Variants in FHOD3 observed in about 807,000 individuals in gnomAD.
The protein encoded by FHOD3 is FH1/FH2 domain-containing protein 3.
In FHOD3, 90 loss-of-function variants were observed where a neutral mutation model predicts 173.0. The ratio of observed to expected loss-of-function variants is 0.52; its 90% CI spans 0.44 to 0.62. FHOD3 has a LOEUF of 0.62. Ranked by LOEUF, FHOD3 falls within the 20% of genes least tolerant of loss-of-function variation. The pLI, the probability that FHOD3 is intolerant of heterozygous loss-of-function variation, is 0.00. For synonymous variants in FHOD3, 828 were observed against 823.0 expected, an observed-to-expected ratio of 1.01 and a Z score of -0.10; for missense variants, 1,945 against 2,034.7, an observed-to-expected ratio of 0.96 and a Z score of 0.85.
chr18:36,679,241 A>G (rs2038074410), intron 14 of FHOD3, among the ~76,000 whole-genome samples: 3 of 152,092 alleles, frequency 2.0e-5, no homozygotes, highest in Admixed American at 1.3e-4. Context: ...TTTGGTCACT[A>G]TATCTATAAT....
chr18:36,346,665 G>A (rs1407060713), intron 1 of FHOD3, among the ~76,000 whole-genome samples: 3 of 151,934 alleles, frequency 2.0e-5, no homozygotes, highest in Non-Finnish European at 4.4e-5. Context: ...CATTGTCCAA[G>A]CCACATTGAA....
At chr18:36,605,919 A>G (rs1490782727) in intron 8 of FHOD3, among the ~76,000 whole-genome samples, 2 of 152,196 alleles carry the variant, frequency 1.3e-5, no homozygotes, top group Non-Finnish European at 2.9e-5. Flanking sequence ...GGACATTTCC[A>G]TGACAAACAA....
At chr18:36,621,499 G>GT (rs1421390174) in intron 9 of FHOD3, among the ~76,000 whole-genome samples, 1 of 152,298 alleles carries the variant, frequency 6.6e-6, no homozygotes, top group African/African-American at 2.4e-5. Context: ...GACGGCCTTA[G>GT]TTTATCTACT....
At chr18:36,762,281 T>C (rs907540305) in intron 27 of FHOD3, among the ~76,000 whole-genome samples, 2 of 152,214 alleles carry the variant, frequency 1.3e-5, no homozygotes, top group Non-Finnish European at 2.9e-5. Context: ...TAGTTTCCTA[T>C]GAACCAAAGA....
At chr18:36,549,178 T>C (rs1387677474) in intron 5 of FHOD3, among the ~76,000 whole-genome samples, 1 of 152,240 alleles carries the variant, frequency 6.6e-6, no homozygotes, top group East Asian at 1.9e-4. Flanking sequence ...TGACTAATGA[T>C]GTTGAACATC....
intron 1 of FHOD3, among the ~76,000 whole-genome samples, chr18:36,328,746 A>G (rs1007341773): frequency 6.6e-6 from 1 of 152,200 alleles, no homozygotes. Flanking sequence ...ATTGCAGTAG[A>G]AAGTGGGAAG....
At chr18:36,353,683 A>T (rs1419159733) in intron 1 of FHOD3, among the ~76,000 whole-genome samples, 8 of 152,154 alleles carry the variant, frequency 5.3e-5, no homozygotes, top group African/African-American at 1.9e-4. Flanking sequence ...TATTAATCTC[A>T]ATCTTCTTTG....
intron 1 of FHOD3, among the ~76,000 whole-genome samples, chr18:36,354,596 G>T (rs537684578): frequency 3.0e-4 from 46 of 152,290 alleles, no homozygotes; most frequent in Middle Eastern, 3.4e-3. Flanking sequence ...GAGGTCAGGA[G>T]TTCGAGACCA....
intron 16 of FHOD3, among the ~76,000 whole-genome samples, chr18:36,690,620 C>T (rs962005292): frequency 1.3e-5 from 2 of 152,210 alleles, no homozygotes; most frequent in Middle Eastern, 3.4e-3. Flanking sequence ...ATGGCCGTCT[C>T]CGCGTACCAG....
chr18:36,497,984 A>G (rs529630379), intron 3 of FHOD3, among the ~76,000 whole-genome samples: 1 of 152,318 alleles, frequency 6.6e-6, no homozygotes, highest in African/African-American at 2.4e-5. Context: ...AGTCTAAAAG[A>G]TTTGATAAAG....
chr18:36,660,213 G>A lies in FHOD3; in HGVS notation c.1835+2025G>A, dbSNP rs143632558. Among the ~76,000 whole-genome samples, 848 of 152,276 alleles carry A rather than the reference G, an allele frequency of 5.6e-3. 8 individuals carry two copies. The highest frequency in any genetic ancestry group is 0.019 in the African/African-American group (806 of 41,566). On this transcript the variant is annotated intron_variant, in intron 14 of 28. Coordinates refer to ENST00000590592, the MANE Select transcript of FHOD3 (RefSeq NM_001281740.3). ...GAACCTGGGAGGTGGAAGTTGCAGT[G>A]AGCCGAGATTGTGCCATTGCACTCC...
intron 10 of FHOD3, among the ~76,000 whole-genome samples, chr18:36,632,996 T>C (rs985911319): frequency 6.6e-6 from 1 of 152,176 alleles, no homozygotes; most frequent in African/African-American, 2.4e-5. Context: ...GTTTTATACA[T>C]TGATGTGGTT....
chr18:36,609,225 A>T (rs2032405480), intron 8 of FHOD3, among the ~76,000 whole-genome samples: 1 of 152,226 alleles, frequency 6.6e-6, no homozygotes, highest in African/African-American at 2.4e-5. Flanking sequence ...TACCTCGCAG[A>T]CTTTCCTGGG....
rs558281171 is a variant in FHOD3, at chr18:36,527,303, C to G, written c.511+14760C>G. Among the ~76,000 whole-genome samples, 16 of 152,282 alleles carry G rather than the reference C, an allele frequency of 1.1e-4. No individual in the cohort carries two copies. The South Asian group carries it at 2.1e-3, about 20-fold the overall frequency. ...AAATTTGATTTTCTGACTAATCATG[C>G]AATGAGAAGAAGCATAATTTCTCTT... On this transcript the variant is annotated intron_variant, in intron 5 of 28. Coordinates refer to ENST00000590592, the MANE Select transcript of FHOD3 (RefSeq NM_001281740.3).
At chr18:36,730,190 A>G (rs372311813) in intron 19 of FHOD3, among the ~76,000 whole-genome samples, 11 of 152,236 alleles carry the variant, frequency 7.2e-5, no homozygotes, top group African/African-American at 1.7e-4. Context: ...TGACAGGCCA[A>G]TGGTGCTGTA....
chr18:36,327,674 C>T (rs2044743238), intron 1 of FHOD3, among the ~76,000 whole-genome samples: 1 of 152,208 alleles, frequency 6.6e-6, no homozygotes, highest in Admixed American at 6.5e-5. Context: ...GCGGTTTGAA[C>T]CTCCTGGAAG....
intron 28 of FHOD3, chr18:36,778,322 C>A (rs1476832781): frequency 6.6e-6 from 1 of 152,176 alleles, no homozygotes. Context: ...CAACAGCCTG[C>A]CCTGGTCATC....
At chr18:36,503,460 A>G (rs977737822) in intron 4 of FHOD3, among the ~76,000 whole-genome samples, 4 of 152,162 alleles carry the variant, frequency 2.6e-5, no homozygotes, top group Non-Finnish European at 4.4e-5. Flanking sequence ...CCATCCACAC[A>G]TTCTTGTCCC....
intron 3 of FHOD3, among the ~76,000 whole-genome samples, chr18:36,434,084 T>C (rs548572205): frequency 6.6e-6 from 1 of 152,364 alleles, no homozygotes; most frequent in African/African-American, 2.4e-5. Context: ...GATTTATCTT[T>C]TCTAGAGTTT....
Sources: gnomAD v4.1 joint callset for allele counts (sites outside exome capture counted in the v4.1 genomes callset) on GRCh38, gnomAD v4.1.1 for gene constraint, MANE v1.5 for transcripts, NCBI Gene and HGNC (gene_info 2026-07-23, HGNC 2026-07-21) for gene names.